The following KHDRBS2 variants were observed in gnomAD, a reference collection of about 807,000 sequenced individuals.
The protein encoded by KHDRBS2 is KH domain-containing, RNA-binding, signal transduction-associated protein 2.
In KHDRBS2, 26 loss-of-function variants were observed where a neutral mutation model predicts 44.3. That is an observed-to-expected ratio of 0.59 (90% confidence interval 0.43 to 0.81). KHDRBS2 has a LOEUF of 0.81. Among genes scored for constraint, KHDRBS2 ranks in the 40% least tolerant of loss-of-function variants. KHDRBS2 has a pLI of 0.00. For missense variants in KHDRBS2, 476 were observed against 433.1 expected (o/e 1.10, Z -0.88); for synonymous variants, 194 against 151.1 (o/e 1.28, Z -2.08).
chr6:62,274,680 C>G (rs576908451), intron 1 of KHDRBS2, among the ~76,000 whole-genome samples: 2 of 152,012 alleles, frequency 1.3e-5, no homozygotes, highest in Non-Finnish European at 2.9e-5. Flanking sequence ...CTAATATGCC[C>G]CTTCCTATGG....
the KHDRBS2 span, among the ~76,000 whole-genome samples, chr6:61,651,117 T>A: frequency 6.6e-6 from 1 of 152,036 alleles, no homozygotes; most frequent in Admixed American, 6.6e-5. Flanking sequence ...TGATAAACAT[T>A]TATTGAGTGT....
chr6:62,180,427 A>C (rs1822033388), intron 1 of KHDRBS2, among the ~76,000 whole-genome samples: 1 of 151,898 alleles, frequency 6.6e-6, no homozygotes, highest in Admixed American at 6.6e-5. Context: ...GAAATTAAGA[A>C]AGCAATCTTA....
At chr6:61,661,304 C>T in the KHDRBS2 span, 4 of 151,796 alleles carry the variant, frequency 2.6e-5, no homozygotes, top group Non-Finnish European at 4.4e-5. Context: ...AAACATTAAA[C>T]CTCCAAACAG....
intron 4 of KHDRBS2, among the ~76,000 whole-genome samples, chr6:61,923,497 C>A (rs547845441): frequency 6.6e-6 from 1 of 151,902 alleles, no homozygotes; most frequent in African/African-American, 2.4e-5. Context: ...GGGCTTTATC[C>A]CAGGAATGCA....
At chr6:61,664,485 G>A in the KHDRBS2 span, among the ~76,000 whole-genome samples, 19 of 151,606 alleles carry the variant, frequency 1.3e-4, no homozygotes, top group Admixed American at 3.3e-4. Flanking sequence ...TTTCCTTTTG[G>A]AAAACAGGCA....
At chr6:61,857,171 T>C (rs947427859) in intron 6 of KHDRBS2, among the ~76,000 whole-genome samples, 13 of 152,248 alleles carry the variant, frequency 8.5e-5, no homozygotes, top group African/African-American at 2.2e-4. Flanking sequence ...TTAAGATTCA[T>C]GGATTTCAGT....
chr6:61,790,224 T>G (rs1784420175), intron 6 of KHDRBS2, among the ~76,000 whole-genome samples: 1 of 151,432 alleles, frequency 6.6e-6, no homozygotes, highest in Admixed American at 6.6e-5. Context: ...AAGGATTTCC[T>G]CATTGGGTGC....
At chr6:61,752,681 A>AAAG (rs1381854171) in intron 6 of KHDRBS2, among the ~76,000 whole-genome samples, 8 of 105,936 alleles carry the variant, frequency 7.6e-5, no homozygotes, top group Non-Finnish European at 1.5e-4. Context: ...CAAAAAAAAA[A>AAAG]AAAAAAAAAA....
chr6:62,214,851 C>T (rs1332396663), intron 1 of KHDRBS2, among the ~76,000 whole-genome samples: 2 of 151,944 alleles, frequency 1.3e-5, no homozygotes, highest in Non-Finnish European at 2.9e-5. Flanking sequence ...TCCTTTATTT[C>T]TTCCAAAGCT....
Position 61,894,733 on chromosome 6 carries a change from C to T in KHDRBS2, c.712G>A (p.Val238Ile). 1.2e-6 allele frequency: 2 copies of T among 1,613,582 alleles called. No homozygotes were observed. The highest frequency in any genetic ancestry group is 1.7e-6 in the Non-Finnish European group (2 of 1,179,738). Residue 238 changes from valine to isoleucine, a missense_variant, in exon 6 of 9, where the codon GTA (valine) becomes ATA (isoleucine). Physicochemically the swap from Val to Ile is conservative, Grantham distance 29. Coordinates refer to ENST00000281156, the MANE Select transcript of KHDRBS2 (RefSeq NM_152688.4). ...CGAGGGGTAGGGACACCTCTTGCTA[C>T]AGGTGGCACTGGAAGCGCTCCACGG... ...VTRGALPVPP[V>I]ARGVPTPRAR...
In KHDRBS2 at chr6:62,136,579, G is replaced by C. The variant is rs148884768; in HGVS notation, c.219+40606C>G. 5.3e-3 allele frequency among the ~76,000 whole-genome samples: 800 copies of C among 152,102 alleles called. 8 individuals are homozygous for C. The highest frequency in any genetic ancestry group is 0.018 in the African/African-American group (762 of 41,506). ...GCTTTTGCTTTAGATGATAGGTTTC[G>C]TTTTTGAAATTATGTTTTATAATGT... On this transcript the variant is annotated intron_variant, in intron 2 of 8. Coordinates refer to ENST00000281156, the MANE Select transcript of KHDRBS2 (RefSeq NM_152688.4).
chr6:62,240,951 G>A (rs886373986), intron 1 of KHDRBS2, among the ~76,000 whole-genome samples: 7 of 151,552 alleles, frequency 4.6e-5, no homozygotes, highest in East Asian at 3.9e-4. Flanking sequence ...TTCCTTTTGC[G>A]TTTAATCTTA....
intron 2 of KHDRBS2, among the ~76,000 whole-genome samples, chr6:62,164,826 AATC>A (rs1040686006): frequency 6.6e-6 from 1 of 151,850 alleles, no homozygotes; most frequent in African/African-American, 2.4e-5. Flanking sequence ...CATGCCCTAA[AATC>A]ATTATTGATT....
intron 3 of KHDRBS2, among the ~76,000 whole-genome samples, chr6:61,995,057 G>C (rs1309295880): frequency 3.3e-5 from 5 of 152,092 alleles, no homozygotes; most frequent in Admixed American, 6.6e-5. Flanking sequence ...CAACTATATA[G>C]GGCTTTGTAA....
In KHDRBS2 at chr6:62,059,198, GTTTTTTTTTTTTTTTTTTTT is replaced by G. The variant is rs398001756; in HGVS notation, c.220-11224_220-11205del. On this transcript the variant is annotated intron_variant, in intron 2 of 8. Transcript: ENST00000281156. ...TATTTCCACATAGAAAAGTTAGGAAGTTTTTTTTTTTTTTTTTTTTTTTTTTTTTTTTTTTTGTGCTGAGC... is the reference window on the plus strand; with the variant it reads ...TATTTCCACATAGAAAAGTTAGGAAGTTTTTTTTTTTTTTTTGTGCTGAGC... Among the ~76,000 whole-genome samples the G allele has an allele frequency of 6.0e-4, 15 of 24,878 alleles. No homozygotes were observed. The East Asian group carries it at 6.4e-3, about 11-fold the overall frequency. 16.3% of individuals were successfully genotyped at this position (24,878 alleles called of 152,430 possible). A position where few individuals can be genotyped will look rare whatever the true frequency, so the allele number is the denominator to read the frequency against.
At chr6:61,711,120 G>A (rs1770450078) in intron 7 of KHDRBS2, among the ~76,000 whole-genome samples, 3 of 151,400 alleles carry the variant, frequency 2.0e-5, no homozygotes, top group African/African-American at 2.4e-5. Flanking sequence ...ATAAATGAAT[G>A]AGTAATTTAA....
chr6:61,601,485 AATGGC>A, the KHDRBS2 span, among the ~76,000 whole-genome samples: 2 of 152,118 alleles, frequency 1.3e-5, no homozygotes, highest in Non-Finnish European at 2.9e-5. Context: ...ATAGCCAGAT[AATGGC>A]ACTTTCAATT....
intron 3 of KHDRBS2, among the ~76,000 whole-genome samples, chr6:62,027,197 G>T (rs1783520209): frequency 6.6e-6 from 1 of 152,042 alleles, no homozygotes; most frequent in Non-Finnish European, 1.5e-5. Context: ...AGTGGTCTTT[G>T]TGGGGAGAGT....
At chr6:61,601,052 G>C in the KHDRBS2 span, among the ~76,000 whole-genome samples, 1 of 152,144 alleles carries the variant, frequency 6.6e-6, no homozygotes, top group South Asian at 2.1e-4. Flanking sequence ...TTTGATCACT[G>C]CAGGGATGCC....
Sources: allele counts gnomAD v4.1 joint callset (sites outside exome capture counted in the v4.1 genomes callset), GRCh38; gene constraint gnomAD v4.1.1; transcripts MANE v1.5; gene names NCBI Gene and HGNC (gene_info 2026-07-23, HGNC 2026-07-21).